Variants in FAM13C observed in about 807,000 individuals in gnomAD.
FAM13C encodes protein FAM13C.
FAM13C carries 37 observed loss-of-function variants against 73.2 expected under a neutral mutation model. The observed-to-expected ratio is 0.51, with a 90% CI of 0.39 to 0.67. The LOEUF (loss-of-function observed/expected upper bound fraction) is 0.67. FAM13C is among the 30% of genes least tolerant of loss of function. The pLI is 0.00. For missense variants in FAM13C, 589 were observed against 715.6 expected (o/e 0.82, Z 2.02); for synonymous variants, 246 against 260.9 (o/e 0.94, Z 0.55).
chr10:59,329,409 G>T (rs1224169799), intron 3 of FAM13C, among the ~76,000 whole-genome samples: 1 of 126,822 alleles, frequency 7.9e-6, no homozygotes, highest in African/African-American at 3.0e-5. Flanking sequence ...ACTCAGGCTG[G>T]AGCGCAATGA....
chr10:59,253,392 T>C (rs1260135742), intron 11 of FAM13C, among the ~76,000 whole-genome samples: 1 of 152,172 alleles, frequency 6.6e-6, no homozygotes, highest in Non-Finnish European at 1.5e-5. Context: ...TACGGACAAC[T>C]TTTATCCTCC....
At chr10:59,280,852 T>C (rs967908951) in intron 6 of FAM13C, among the ~76,000 whole-genome samples, 1 of 152,202 alleles carries the variant, frequency 6.6e-6, no homozygotes, top group East Asian at 1.9e-4. Flanking sequence ...ATCAAGTCTA[T>C]AGTGAATTTG....
Position 59,341,834 on chromosome 10 carries a change from T to G in FAM13C, c.324+10436A>C, listed in dbSNP as rs922650499. On this transcript the variant is annotated intron_variant, in intron 3 of 13. Coordinates refer to ENST00000618804, the MANE Select transcript of FAM13C (RefSeq NM_198215.4). ...TGTTGGGTGGGAAGGCAAAGTTCCTTCATAATTCAAGCACATCAGTTACCT... is the reference window on the plus strand; with the variant it reads ...TGTTGGGTGGGAAGGCAAAGTTCCTGCATAATTCAAGCACATCAGTTACCT... Among the ~76,000 whole-genome samples, 6 of 152,276 alleles carry G rather than the reference T, an allele frequency of 3.9e-5. No homozygotes were observed. The East Asian group carries it at 1.2e-3, about 29-fold the overall frequency.
At chr10:59,318,685 TGAA>T (rs34494751) in intron 4 of FAM13C, among the ~76,000 whole-genome samples, 61,229 of 151,598 alleles carry the variant, frequency 0.4, 12,610 homozygotes, top group African/African-American at 0.49. Context: ...GTGTGGGCAG[TGAA>T]GGAGAGCCCT....
intron 3 of FAM13C, among the ~76,000 whole-genome samples, chr10:59,345,455 T>G (rs1412151067): frequency 6.6e-6 from 1 of 152,270 alleles, no homozygotes; most frequent in African/African-American, 2.4e-5. Context: ...CATTTTAAGA[T>G]TCCTTCATGT....
At chr10:59,329,572 T>C (rs373266113) in intron 3 of FAM13C, among the ~76,000 whole-genome samples, 4 of 152,014 alleles carry the variant, frequency 2.6e-5, no homozygotes, top group Non-Finnish European at 5.9e-5. Flanking sequence ...TTGGCCAGTC[T>C]GGTCTGGAAC....
intron 6 of FAM13C, among the ~76,000 whole-genome samples, chr10:59,279,241 T>C (rs1048267310): frequency 6.6e-6 from 1 of 152,208 alleles, no homozygotes; most frequent in African/African-American, 2.4e-5. Context: ...AGCTGTAAAT[T>C]TGATAAGCAT....
chr10:59,281,180 C>T (rs565049599), intron 6 of FAM13C, among the ~76,000 whole-genome samples: 1 of 152,260 alleles, frequency 6.6e-6, no homozygotes, highest in South Asian at 2.1e-4. Flanking sequence ...ACACAACCAT[C>T]CTCTCACCAG....
chr10:59,302,990 T>A (rs897478676), intron 4 of FAM13C, 126 bp from the exon 5 acceptor site: 29 of 733,418 alleles, frequency 4.0e-5, no homozygotes, highest in Non-Finnish European at 5.9e-5. Context: ...CCACTGCCTG[T>A]AGAATAAAAT....
intron 9 of FAM13C, among the ~76,000 whole-genome samples, chr10:59,263,007 T>G (rs1387127424): frequency 6.6e-6 from 1 of 152,170 alleles, no homozygotes; most frequent in Non-Finnish European, 1.5e-5. Flanking sequence ...ACTTAGATTA[T>G]GGAGTTGTGG....
chr10:59,344,689 G>A (rs1299605093), intron 3 of FAM13C, among the ~76,000 whole-genome samples: 1 of 152,128 alleles, frequency 6.6e-6, no homozygotes, highest in Admixed American at 6.5e-5. Context: ...CCAGTTTAAA[G>A]ATAGGAAAAA....
At chr10:59,262,824 G>T (rs1390868476) in intron 9 of FAM13C, among the ~76,000 whole-genome samples, 179 bp from the exon 10 acceptor site, 1 of 152,146 alleles carries the variant, frequency 6.6e-6, no homozygotes. Context: ...CTCCCAATCG[G>T]GTGTGAAAAC....
At chr10:59,338,496 C>A (rs1853056317) in intron 3 of FAM13C, among the ~76,000 whole-genome samples, 1 of 152,150 alleles carries the variant, frequency 6.6e-6, no homozygotes. Flanking sequence ...CTAACTGTGC[C>A]AAAATTGATA....
Position 59,266,174 on chromosome 10 carries a change from C to CA in FAM13C, c.943-2009dup, listed in dbSNP as rs543636967. 2.4e-3 allele frequency among the ~76,000 whole-genome samples: 367 copies of CA among 152,286 alleles called. 1 individual carries two copies. The highest frequency in any genetic ancestry group is 4.3e-3 in the Non-Finnish European group (291 of 68,016). Reference sequence around the variant, plus strand: ...CAGCATCTTCAGTTGTCAGATAAGACAAAAGACTGATTCTTTCCAATTCTA... The same window carrying CA: ...CAGCATCTTCAGTTGTCAGATAAGACAAAAAGACTGATTCTTTCCAATTCTA... On this transcript the variant is annotated intron_variant, in intron 8 of 13. Coordinates refer to ENST00000618804, the MANE Select transcript of FAM13C (RefSeq NM_198215.4).
chr10:59,289,364 A>G (rs765457910), intron 5 of FAM13C, among the ~76,000 whole-genome samples: 17 of 152,234 alleles, frequency 1.1e-4, no homozygotes, highest in Non-Finnish European at 2.1e-4. Flanking sequence ...TGCCACATAC[A>G]TGTCCTTCCA....
At position 59,348,040 on chromosome 10, in the gene FAM13C, G is replaced by A. The variant is rs530337371; in HGVS notation, c.324+4230C>T. Reference sequence around the variant, plus strand: ...TTATTTACACCTTTGTTTTTAACCTGGTTAGGATCAGACTGAAGAGCCACT... The same window carrying A: ...TTATTTACACCTTTGTTTTTAACCTAGTTAGGATCAGACTGAAGAGCCACT... On this transcript the variant is annotated intron_variant, in intron 3 of 13. Coordinates refer to ENST00000618804, the MANE Select transcript of FAM13C (RefSeq NM_198215.4). Among the ~76,000 whole-genome samples, 4 of 152,160 alleles carry A rather than the reference G, an allele frequency of 2.6e-5. 1 individual carries two copies. In the East Asian group the frequency reaches 7.7e-4, roughly 29 times the overall value.
intron 6 of FAM13C, among the ~76,000 whole-genome samples, chr10:59,274,156 G>C (rs1844053103): frequency 6.6e-6 from 1 of 152,114 alleles, no homozygotes; most frequent in Admixed American, 6.6e-5. Flanking sequence ...CAGCAGGGAG[G>C]ATAATAGCAT....
At chr10:59,271,129 A>T (rs928527164) in intron 6 of FAM13C, among the ~76,000 whole-genome samples, 1 of 152,216 alleles carries the variant, frequency 6.6e-6, no homozygotes, top group Non-Finnish European at 1.5e-5. Flanking sequence ...CTCCTTCTCA[A>T]GTTTGCTCAA....
intron 4 of FAM13C, among the ~76,000 whole-genome samples, chr10:59,307,810 C>A (rs1490555692): frequency 6.6e-6 from 1 of 152,132 alleles, no homozygotes; most frequent in Non-Finnish European, 1.5e-5. Context: ...GTGTCAAAGT[C>A]TCCTAGAGAT....
Sources: gnomAD v4.1 joint callset for allele counts (sites outside exome capture counted in the v4.1 genomes callset) on GRCh38, gnomAD v4.1.1 for gene constraint, MANE v1.5 for transcripts, NCBI Gene and HGNC (gene_info 2026-07-23, HGNC 2026-07-21) for gene names.